OC90: variants seen among roughly 807,000 people sequenced by gnomAD.
OC90 encodes otoconin-90.
In OC90, 46 loss-of-function variants were observed where a neutral mutation model predicts 47.3. The observed-to-expected ratio is 0.97, with a 90% confidence interval of 0.77 to 1.24. The LOEUF (loss-of-function observed/expected upper bound fraction) is 1.24, where lower values mean the gene tolerates loss of function less well. OC90 is among the 50% of genes most tolerant of loss of function. OC90 has a pLI of 0.00. For missense variants in OC90, 688 were observed against 583.9 expected, an observed-to-expected ratio of 1.18 and a Z score of -1.84; for synonymous variants, 271 against 219.5, an observed-to-expected ratio of 1.23 and a Z score of -2.07.
rs1221585925 is a variant in OC90, at chr8:132,041,707, G to A, written c.170-8C>T. 20 of 1,517,578 alleles carry A rather than the reference G, an allele frequency of 1.3e-5. 1 individual carries two copies. The highest frequency in any genetic ancestry group is 2.3e-5 in the East Asian group (1 of 43,780). The allele number at this position is 1,517,578 out of a possible 1,614,324, so 94.0% of individuals were successfully genotyped here. ...AGTGGGGGCCCAGGCAATCTGTGGG[G>A]GTGGGGGGCAGGGCCTGATAAGCAC... On this transcript the variant is annotated splice_polypyrimidine_tract_variant and splice_region_variant and intron_variant, in intron 4 of 13. Transcript: ENST00000254627.
chr8:132,046,057 A>G (rs1823129532), intron 2 of OC90, among the ~76,000 whole-genome samples, 174 bp from the exon 3 acceptor site: 1 of 152,196 alleles, frequency 6.6e-6, no homozygotes, highest in Admixed American at 6.5e-5. Flanking sequence ...TCCTGAAGGA[A>G]ATAAGGGGAT....
chr8:132,046,811 GAA>G (rs1200798236), intron 2 of OC90, among the ~76,000 whole-genome samples: 1 of 152,190 alleles, frequency 6.6e-6, no homozygotes, highest in African/African-American at 2.4e-5. Context: ...CCATCAATCT[GAA>G]AGTCACAAAG....
chr8:132,046,277 A>G (rs1426641444), intron 2 of OC90, among the ~76,000 whole-genome samples: 1 of 152,068 alleles, frequency 6.6e-6, no homozygotes, highest in African/African-American at 2.4e-5. Context: ...TTATATAATA[A>G]TAGAGAATAA....
At position 132,024,618 on chromosome 8, in the gene OC90, GCACAGGGTGCAGGCTGTCTT is replaced by G. The variant is rs1419154383; in HGVS notation, c.1277_1296del (p.Glu426AlafsTer11). The G allele has an allele frequency of 6.2e-7, 1 of 1,613,468 alleles. No homozygotes were observed. Among genetic ancestry groups the G allele is most frequent in the African/African-American group, 1.3e-5 (1 of 74,942 alleles). On this transcript the variant is annotated frameshift_variant, in exon 14 of 14. Transcript: ENST00000254627. LOFTEE classifies it low-confidence loss of function (END_TRUNC). ...CTGGAGCCCAGGGTGGGGGCTGCGG[GCACAGGGTGCAGGCTGTCTT>G]CACAGGCTGCTGGCTGCCCAGGGCA...
intron 10 of OC90, among the ~76,000 whole-genome samples, 195 bp from the exon 11 acceptor site, chr8:132,033,359 C>T (rs935733925): frequency 1.3e-5 from 2 of 152,262 alleles, no homozygotes; most frequent in South Asian, 2.1e-4. Context: ...CTATGATAAC[C>T]TTAACACTGT....
chr8:132,024,593 C>CT lies in OC90; in HGVS notation c.1321dup (p.Ser441LysfsTer3). 6.2e-7 allele frequency: 1 copy of CT among 1,613,626 alleles called. No homozygotes were observed. The highest frequency in any genetic ancestry group is 8.5e-7 in the Non-Finnish European group (1 of 1,179,730). ...GTCCTCCTCGCTGTCCTCCTCAGAGCTGGAGCCCAGGGTGGGGGCTGCGGG... is the reference window on the plus strand; with the variant it reads ...GTCCTCCTCGCTGTCCTCCTCAGAGCTTGGAGCCCAGGGTGGGGGCTGCGGG... On this transcript the variant is annotated frameshift_variant, in exon 14 of 14. Coordinates refer to ENST00000254627, the MANE Select transcript of OC90 (RefSeq NM_001080399.3). LOFTEE classifies it low-confidence loss of function (END_TRUNC).
At chr8:132,048,627 G>A (rs2130862434) in intron 2 of OC90, among the ~76,000 whole-genome samples, 1 of 151,594 alleles carries the variant, frequency 6.6e-6, no homozygotes, top group Non-Finnish European at 1.5e-5. Flanking sequence ...TTTTCTATCA[G>A]CGTCAATAAC....
In OC90 at chr8:132,024,371, G is replaced by A; in HGVS notation, c.*110C>T. ...GCCTCTGTTCCCTCCCCGCCTCTGA[G>A]TTAAAGGAAGGGAAGAAGGCTCCAA... On this transcript the variant is annotated 3_prime_UTR_variant, in exon 14 of 14. Transcript: ENST00000254627. 1 of 913,748 alleles carries A rather than the reference G, an allele frequency of 1.1e-6. No homozygotes were observed. The highest frequency in any genetic ancestry group is 3.3e-4 in the Middle Eastern group (1 of 3,038). The allele number at this position is 913,748 out of a possible 1,614,324, so 56.6% of individuals were successfully genotyped here.
intron 6 of OC90, among the ~76,000 whole-genome samples, chr8:132,039,944 C>G (rs532242003): frequency 6.6e-6 from 1 of 152,184 alleles, no homozygotes; most frequent in Non-Finnish European, 1.5e-5. Flanking sequence ...GCTCTTGTCC[C>G]TCTCTAACAT....
chr8:132,033,722 A>G (rs1026264824), intron 10 of OC90, among the ~76,000 whole-genome samples: 1 of 152,072 alleles, frequency 6.6e-6, no homozygotes, highest in Non-Finnish European at 1.5e-5. Flanking sequence ...CGCCTGCCTG[A>G]CACTCTCTCT....
At chr8:132,025,043 C>T (rs1390160100) in intron 13 of OC90, among the ~76,000 whole-genome samples, 1 of 152,254 alleles carries the variant, frequency 6.6e-6, no homozygotes, top group Non-Finnish European at 1.5e-5. Context: ...CCTGAGCTGC[C>T]AGGCTAAGGG....
chr8:132,046,033 A>G, intron 2 of OC90, 150 bp from the exon 3 acceptor site: 1 of 627,568 alleles, frequency 1.6e-6, no homozygotes, highest in Admixed American at 2.7e-5. Context: ...TATGCACTAG[A>G]TTTAGGAGGT....
intron 7 of OC90, 80 bp from the exon 8 acceptor site, chr8:132,038,911 A>G (rs1044349455): frequency 4.8e-5 from 77 of 1,602,746 alleles, no homozygotes; most frequent in Non-Finnish European, 6.4e-5. Flanking sequence ...CTTGGCATCT[A>G]GAGACATGAA....
At chr8:132,026,439 C>T (rs1026872006) in intron 13 of OC90, among the ~76,000 whole-genome samples, 1 of 152,116 alleles carries the variant, frequency 6.6e-6, no homozygotes, top group Non-Finnish European at 1.5e-5. Context: ...CAGGAAGTGA[C>T]AAGAAGAGGA....
chr8:132,038,500 A>C (rs1000079068), intron 8 of OC90, among the ~76,000 whole-genome samples: 4 of 152,196 alleles, frequency 2.6e-5, no homozygotes, highest in Non-Finnish European at 4.4e-5. Flanking sequence ...CTGACTACAG[A>C]GTGAGAAAGG....
chr8:132,058,747 T>G (rs1237677218), intron 1 of OC90, among the ~76,000 whole-genome samples: 1 of 152,166 alleles, frequency 6.6e-6, no homozygotes, highest in East Asian at 1.9e-4. Flanking sequence ...GGACTGCCCA[T>G]AATTAATGCT....
In OC90 at chr8:132,028,593, A is replaced by AGGAAGGAAGGAG. The variant is rs1563727447; in HGVS notation, c.1138+479_1138+480insCTCCTTCCTTCC. Among the ~76,000 whole-genome samples the AGGAAGGAAGGAG allele has an allele frequency of 8.4e-5, 3 of 35,728 alleles. No homozygotes were observed. The South Asian group carries it at 3.9e-3, about 46-fold the overall frequency. 23.4% of individuals were successfully genotyped at this position (35,728 alleles called of 152,430 possible). A position where few individuals can be genotyped will look rare whatever the true frequency, so the allele number is the denominator to read the frequency against. On this transcript the variant is annotated intron_variant, in intron 13 of 13. Transcript: ENST00000254627. ...AAGGAAGGAAGGAAGGAAGGAAGGA[A>AGGAAGGAAGGAG]GGAAGGAGGGAAGGAGGGAAGGAGG...
intron 2 of OC90, among the ~76,000 whole-genome samples, chr8:132,048,749 G>A (rs929919189): frequency 6.6e-6 from 1 of 151,562 alleles, no homozygotes; most frequent in African/African-American, 2.4e-5. Context: ...AAATATCAGA[G>A]GTTTAGAGAG....
At chr8:132,037,624 C>G in intron 8 of OC90, 136 bp from the exon 9 acceptor site, 1 of 727,596 alleles carries the variant, frequency 1.4e-6, no homozygotes. Context: ...CTAAGAAGAG[C>G]TGTTCATCCT....
Sources: allele counts gnomAD v4.1 joint callset (sites outside exome capture counted in the v4.1 genomes callset), GRCh38; gene constraint gnomAD v4.1.1; transcripts MANE v1.5; gene names NCBI Gene and HGNC (gene_info 2026-07-23, HGNC 2026-07-21).